Variants in NPHS2 observed in about 807,000 individuals in gnomAD.
The protein encoded by NPHS2 is podocin.
A neutral mutation model predicts 37.1 loss-of-function variants in NPHS2; 36 were observed. That is an observed-to-expected ratio of 0.97 (90% CI 0.74 to 1.28). NPHS2 has a LOEUF of 1.28. NPHS2 is among the 50% of genes most tolerant of loss of function. NPHS2 has a pLI of 0.00. For synonymous variants in NPHS2, 196 were observed against 189.3 expected (o/e 1.04, Z -0.29); for missense variants, 447 against 488.1 (o/e 0.92, Z 0.79).
At position 179,556,066 on chromosome 1, in the gene NPHS2, G is replaced by A. The variant is rs1673910667; in HGVS notation, c.738+961C>T. The stretch of plus-strand genomic sequence containing the variant: ...ATGGTTTATAAGTCAAAGAACACTT[G>A]CATATATATTATAATCAGTGTAACA... On this transcript the variant is annotated intron_variant, in intron 5 of 7. Coordinates refer to ENST00000367615, the MANE Select transcript of NPHS2 (RefSeq NM_014625.4). The surrounding 1 kb of genome is among the most constrained non-coding windows in gnomAD (Gnocchi z 4.1). Among the ~76,000 whole-genome samples the A allele has an allele frequency of 6.6e-6, 1 of 152,150 alleles. No individual in the cohort carries two copies. The highest frequency in any genetic ancestry group is 2.4e-5 in the African/African-American group (1 of 41,424).
chr1:179,564,897 G>C (rs1674278969), intron 1 of NPHS2, 104 bp from the exon 2 acceptor site: 2 of 905,332 alleles, frequency 2.2e-6, no homozygotes, highest in South Asian at 2.8e-5. Flanking sequence ...GCACAACTTG[G>C]AGACTTTGCT....
chr1:179,558,053 A>G (rs1297223069), intron 4 of NPHS2, among the ~76,000 whole-genome samples: 2 of 151,970 alleles, frequency 1.3e-5, no homozygotes, highest in Non-Finnish European at 2.9e-5. Flanking sequence ...TTTTTCCCCA[A>G]TTTTGTTTAT....
intron 1 of NPHS2, among the ~76,000 whole-genome samples, chr1:179,573,052 A>G (rs1410626195): frequency 6.6e-6 from 1 of 152,056 alleles, no homozygotes; most frequent in Non-Finnish European, 1.5e-5. Flanking sequence ...GGCTGGTCTC[A>G]AACTCCAAGC....
intron 1 of NPHS2, among the ~76,000 whole-genome samples, chr1:179,573,356 G>A (rs1674635413): frequency 6.6e-6 from 1 of 152,168 alleles, no homozygotes; most frequent in Non-Finnish European, 1.5e-5. Flanking sequence ...CCCACGGAGT[G>A]CTCCACCAAA....
chr1:179,552,297 A>G lies in NPHS2; in HGVS notation c.873+306T>C, dbSNP rs144136732. 387 of 444,740 alleles carry G rather than the reference A, an allele frequency of 8.7e-4. 5 individuals carry two copies. In the East Asian group the frequency reaches 0.014, roughly 16 times the overall value. 27.5% of individuals were successfully genotyped at this position (444,740 alleles called of 1,614,324 possible). A position where few individuals can be genotyped will look rare whatever the true frequency, so the allele number is the denominator to read the frequency against. The stretch of plus-strand genomic sequence containing the variant: ...TTAGGGTGACTACGATTACCCAGGA[A>G]AAGATGCCAGCACTAGAGAAGAGGG... On this transcript the variant is annotated intron_variant, in intron 7 of 7. Coordinates refer to ENST00000367615, the MANE Select transcript of NPHS2 (RefSeq NM_014625.4).
chr1:179,551,795 AC>A (rs1219678333), intron 7 of NPHS2: 3 of 298,218 alleles, frequency 1.0e-5, no homozygotes, highest in Non-Finnish European at 1.3e-5. Context: ...TGAAAGGGTG[AC>A]CCCCAACTCA....
rs2101887423 is a variant in NPHS2, at chr1:179,575,732, G to T, written c.133C>A (p.Pro45Thr). 1 of 1,533,060 alleles carries T rather than the reference G, an allele frequency of 6.5e-7. No individual in the cohort carries two copies. The highest frequency in any genetic ancestry group is 2.5e-5 in the East Asian group (1 of 40,290). The allele number at this position is 1,533,060 out of a possible 1,614,324, so 95.0% of individuals were successfully genotyped here. Residue 45 changes from proline (P) to threonine (T), a missense_variant, in exon 1 of 8, where the codon CCG becomes ACG. Physicochemically the swap from Pro to Thr is conservative, Grantham distance 38. Transcript: ENST00000367615. ...GTCCCCGCCCGTCCGGAGCCCGACG[G>T]CTCGGGCCCAGCCTCCTGGCGCCCG... The part of the protein sequence containing the change: ...GRGRQEAGPE[P>T]SGSGRAGTPG...
At chr1:179,568,958 G>GC (rs1558351457) in intron 1 of NPHS2, among the ~76,000 whole-genome samples, 1 of 152,160 alleles carries the variant, frequency 6.6e-6, no homozygotes, top group Non-Finnish European at 1.5e-5. Context: ...GCTGAGGAGT[G>GC]CTTTACTTCC....
At chr1:179,566,871 T>C (rs1674353535) in intron 1 of NPHS2, among the ~76,000 whole-genome samples, 1 of 152,144 alleles carries the variant, frequency 6.6e-6, no homozygotes. Flanking sequence ...GATCAGATGG[T>C]TGTAGATGTG....
intron 1 of NPHS2, among the ~76,000 whole-genome samples, chr1:179,565,803 T>C (rs1674312324): frequency 1.3e-5 from 2 of 151,302 alleles, no homozygotes; most frequent in South Asian, 2.1e-4. Flanking sequence ...TTCCCATCTA[T>C]GAGTGAAAAC....
intron 4 of NPHS2, among the ~76,000 whole-genome samples, chr1:179,557,804 A>T (rs1447582476): frequency 6.6e-6 from 1 of 152,216 alleles, no homozygotes; most frequent in Non-Finnish European, 1.5e-5. Flanking sequence ...CCACTAAATG[A>T]AATGCTGTAT....
intron 2 of NPHS2, among the ~76,000 whole-genome samples, chr1:179,562,591 C>T (rs548730020): frequency 5.9e-5 from 9 of 152,304 alleles, no homozygotes; most frequent in Non-Finnish European, 8.8e-5. Flanking sequence ...CCCAACAAAA[C>T]ACATTTTGAA....
intron 1 of NPHS2, among the ~76,000 whole-genome samples, chr1:179,569,004 G>A (rs918405505): frequency 6.6e-6 from 1 of 152,160 alleles, no homozygotes; most frequent in Non-Finnish European, 1.5e-5. Context: ...ATATGATGTG[G>A]TGCTGAGAAG....
At chr1:179,559,355 A>G (rs1674049192) in intron 4 of NPHS2, among the ~76,000 whole-genome samples, 1 of 152,236 alleles carries the variant, frequency 6.6e-6, no homozygotes. Flanking sequence ...AGCCAGGCTG[A>G]CACATAAGGT....
At chr1:179,563,394 C>G (rs1674217103) in intron 2 of NPHS2, among the ~76,000 whole-genome samples, 1 of 152,150 alleles carries the variant, frequency 6.6e-6, no homozygotes. Context: ...GACTTCAATA[C>G]CCCACTTTAA....
At chr1:179,551,562 A>G (rs1673287513) in intron 7 of NPHS2, 111 bp from the exon 8 acceptor site, 1 of 1,234,294 alleles carries the variant, frequency 8.1e-7, no homozygotes, top group Non-Finnish European at 1.2e-6. Flanking sequence ...TGTGGCAAGC[A>G]CGGTTAAGCA....
At chr1:179,552,247 C>T in intron 7 of NPHS2, 1 of 356,998 alleles carries the variant, frequency 2.8e-6, no homozygotes, top group South Asian at 2.4e-5. Flanking sequence ...GGATACAGTT[C>T]TAGGGGATAC....
intron 4 of NPHS2, among the ~76,000 whole-genome samples, chr1:179,559,006 C>CA (rs1356548057): frequency 6.6e-6 from 1 of 151,500 alleles, no homozygotes; most frequent in Non-Finnish European, 1.5e-5. Context: ...TGTACACACA[C>CA]ACGTACACAT....
In NPHS2 at chr1:179,575,724, G is replaced by T. The variant is rs772787583; in HGVS notation, c.141C>A (p.Gly47=). The T allele has an allele frequency of 1.9e-6, 3 of 1,543,348 alleles. No homozygotes were observed. The highest frequency in any genetic ancestry group is 2.6e-6 in the Non-Finnish European group (3 of 1,149,482). ...GRQEAGPEPS[G]SGRAGTPGEP... ...CCCCCGGGGTCCCCGCCCGTCCGGA[G>T]CCCGACGGCTCGGGCCCAGCCTCCT... The change falls in exon 1 of 8, where the codon GGC becomes GGA. Residue 47 remains glycine, a synonymous_variant. Coordinates refer to ENST00000367615, the MANE Select transcript of NPHS2 (RefSeq NM_014625.4).
Sources: allele counts gnomAD v4.1 joint callset (sites outside exome capture counted in the v4.1 genomes callset), GRCh38; gene constraint gnomAD v4.1.1; non-coding constraint Gnocchi (gnomAD v3.1); transcripts MANE v1.5; gene names NCBI Gene and HGNC (gene_info 2026-07-23, HGNC 2026-07-21).